The following AK9 variants were observed in gnomAD, a reference collection of about 807,000 sequenced individuals.
AK9 encodes the protein adenylate kinase 9, also known as adenylate kinase domain containing 1.
In AK9, 191 loss-of-function variants were observed where a neutral mutation model predicts 239.6. The ratio of observed to expected loss-of-function variants is 0.80; its 90% CI spans 0.71 to 0.90. The LOEUF (loss-of-function observed/expected upper bound fraction) is 0.90. Among genes scored for constraint, AK9 ranks in the 40% least tolerant of loss-of-function variants. The pLI is 0.00. For missense variants in AK9, 1,995 were observed against 2,214.7 expected (o/e 0.90, Z 1.99); for synonymous variants, 689 against 721.0 (o/e 0.96, Z 0.71).
At position 109,585,227 on chromosome 6, in the gene AK9, TA is replaced by T; in HGVS notation, c.2009del (p.Leu670TyrfsTer18). The T allele has an allele frequency of 1.1e-6, 1 of 883,308 alleles. No homozygotes were observed. The highest frequency in any genetic ancestry group is 1.5e-6 in the Non-Finnish European group (1 of 669,578). The allele number at this position is 883,308 out of a possible 1,614,324, so 54.7% of individuals were successfully genotyped here. A position where few individuals can be genotyped will look rare whatever the true frequency, so the allele number is the denominator to read the frequency against. On this transcript the variant is annotated frameshift_variant, in exon 19 of 41. Transcript: ENST00000424296. LOFTEE classifies it high-confidence loss of function. ...LSDTENNGKC[L>X]FNRIYLQKKS... ...TCTTCTGTAAATATATTCTATTAAA[TA>T]AACATTTTCCTGAAATACAGATAAG...
intron 5 of AK9, 73 bp downstream of exon 5, chr6:109,671,846 C>G (rs1770951169): frequency 1.5e-6 from 2 of 1,377,094 alleles, no homozygotes; most frequent in Non-Finnish European, 2.0e-6. Context: ...ACTCCAGAAA[C>G]TATTTTTGCC....
Position 109,509,266 on chromosome 6 carries a change from T to G in AK9, c.4394A>C (p.His1465Pro). 1 of 1,552,032 alleles carries G rather than the reference T, an allele frequency of 6.4e-7. No individual in the cohort carries two copies. Among genetic ancestry groups the G allele is most frequent in the Non-Finnish European group, 8.7e-7 (1 of 1,147,044 alleles). ...AGGTGCTGTCATTCCTTTATGAAGATGCCAATTTAACATAAGTGCCAGCTC... is the reference window on the plus strand; with the variant it reads ...AGGTGCTGTCATTCCTTTATGAAGAGGCCAATTTAACATAAGTGCCAGCTC... Reference protein sequence around the residue: ...ETELALMLNWHLHKGMTAPDE... With the variant: ...ETELALMLNWPLHKGMTAPDE... The change falls in exon 33 of 41, where the codon CAT becomes CCT. Residue 1465 changes from histidine (H) to proline (P), a missense_variant. His to Pro is a moderately conservative substitution (Grantham distance 77). This residue lies in a region of AK9 where 45 missense variants were observed against 80.5 expected (regional missense o/e 0.56). Coordinates refer to ENST00000424296, the MANE Select transcript of AK9 (RefSeq NM_001145128.3).
intron 17 of AK9, among the ~76,000 whole-genome samples, chr6:109,592,446 C>CT (rs55998817): frequency 0.22 from 27,942 of 126,270 alleles, 3,486 homozygotes; most frequent in South Asian, 0.34. Context: ...AATGGGATTT[C>CT]TTTTTTTTTT....
chr6:109,551,692 C>T (rs193070569), intron 24 of AK9, among the ~76,000 whole-genome samples: 1 of 151,490 alleles, frequency 6.6e-6, no homozygotes, highest in Non-Finnish European at 1.5e-5. Flanking sequence ...TTCCTAAGCC[C>T]ATATTTTAGT....
chr6:109,650,557 C>T lies in AK9; in HGVS notation c.760-5869G>A, dbSNP rs370083086. On this transcript the variant is annotated intron_variant, in intron 8 of 40. Coordinates refer to ENST00000424296, the MANE Select transcript of AK9 (RefSeq NM_001145128.3). ...TACCATCTCACACCAGTTAGAATGGCGATCATTAAAAAGTCAGGAAACAAC... is the reference window on the plus strand; with the variant it reads ...TACCATCTCACACCAGTTAGAATGGTGATCATTAAAAAGTCAGGAAACAAC... Among the ~76,000 whole-genome samples, 686 of 151,866 alleles carry T rather than the reference C, an allele frequency of 4.5e-3. 9 individuals are homozygous for T. The highest frequency in any genetic ancestry group is 0.016 in the African/African-American group (657 of 41,472).
intron 28 of AK9, 128 bp downstream of exon 28, chr6:109,533,123 G>T: frequency 1.4e-6 from 1 of 705,180 alleles, no homozygotes; most frequent in Non-Finnish European, 2.1e-6. Context: ...AATATTCGAT[G>T]AAAAATATTT....
chr6:109,513,878 G>A (rs1031047727), intron 32 of AK9, among the ~76,000 whole-genome samples: 3 of 152,150 alleles, frequency 2.0e-5, no homozygotes, highest in Non-Finnish European at 4.4e-5. Flanking sequence ...GAACCTAAAT[G>A]CCAGCAGAAT....
In AK9 at chr6:109,659,285, G is replaced by C; in HGVS notation, c.573C>G (p.Ala191=). 6.2e-7 allele frequency: 1 copy of C among 1,600,424 alleles called. No individual in the cohort carries two copies. Among genetic ancestry groups the C allele is most frequent in the Non-Finnish European group, 8.5e-7 (1 of 1,175,152 alleles). ...IENHRKKKKE[A]QKDGKGEEEE... ...CCTCTTCTCCTTTTCCGTCCTTTTG[G>C]GCTTCTTTCTTCTTTTTCCTATGAT... The change falls in exon 7 of 41, where the codon GCC becomes GCG. Residue 191 remains alanine, a synonymous_variant. Coordinates refer to ENST00000424296, the MANE Select transcript of AK9 (RefSeq NM_001145128.3).
At chr6:109,611,953 C>CTGTGTTTTTTAGAAACTAG in intron 16 of AK9, 57 bp downstream of exon 16, 1 of 1,164,692 alleles carries the variant, frequency 8.6e-7, no homozygotes, top group African/African-American at 1.7e-5. Context: ...GAGGGAACTA[C>CTGTGTTTTTTAGAAACTAG]TTGTGTTTTT....
intron 1 of AK9, among the ~76,000 whole-genome samples, chr6:109,688,947 C>T (rs1773906587): frequency 6.6e-6 from 1 of 152,182 alleles, no homozygotes; most frequent in African/African-American, 2.4e-5. Flanking sequence ...TCTGAGACAG[C>T]TCTTGATGCT....
intron 35 of AK9, among the ~76,000 whole-genome samples, chr6:109,504,264 T>G (rs1777885176): frequency 6.6e-6 from 1 of 152,006 alleles, no homozygotes; most frequent in African/African-American, 2.4e-5. Flanking sequence ...CTGGAGAGGC[T>G]GAGGCAGGAG....
chr6:109,582,182 G>C (rs1788940627), intron 19 of AK9, among the ~76,000 whole-genome samples: 1 of 152,206 alleles, frequency 6.6e-6, no homozygotes, highest in South Asian at 2.1e-4. Flanking sequence ...ATGTTTTCAT[G>C]CCTGCTAATG....
chr6:109,588,534 A>C (rs1387199154), intron 17 of AK9, among the ~76,000 whole-genome samples: 1 of 152,132 alleles, frequency 6.6e-6, no homozygotes, highest in African/African-American at 2.4e-5. Flanking sequence ...GTTTTCTTCC[A>C]TTACATAGAT....
chr6:109,520,935 T>C (rs181328705), intron 29 of AK9, among the ~76,000 whole-genome samples: 2 of 152,224 alleles, frequency 1.3e-5, no homozygotes, highest in Admixed American at 1.3e-4. Flanking sequence ...AGGCAACTAA[T>C]TTTGTGCATT....
chr6:109,662,840 T>C (rs1800612468), intron 5 of AK9, among the ~76,000 whole-genome samples, 177 bp from the exon 6 acceptor site: 1 of 151,912 alleles, frequency 6.6e-6, no homozygotes, highest in African/African-American at 2.4e-5. Context: ...AGTGTAACTA[T>C]GAATAATGTT....
rs549169134 is a variant in AK9 at position 109,555,769 on chromosome 6, C to T, written c.2752-5467G>A. 6.6e-5 allele frequency among the ~76,000 whole-genome samples: 10 copies of T among 152,328 alleles called. No individual in the cohort carries two copies. In the East Asian group the frequency reaches 1.5e-3, roughly 23 times the overall value. ...CCCTTTACCATTATATAGTCCCCTTCTTTGTCTTTTTTGATCTTTAATGGT... is the reference window on the plus strand; with the variant it reads ...CCCTTTACCATTATATAGTCCCCTTTTTTGTCTTTTTTGATCTTTAATGGT... On this transcript the variant is annotated intron_variant, in intron 24 of 40. Coordinates refer to ENST00000424296, the MANE Select transcript of AK9 (RefSeq NM_001145128.3).
rs536810103 is a variant in AK9, at chr6:109,628,050, G to A, written c.1254+4873C>T. Among the ~76,000 whole-genome samples, 299 of 152,286 alleles carry A rather than the reference G, an allele frequency of 2.0e-3. 2 individuals are homozygous for A. The highest frequency in any genetic ancestry group is 3.5e-3 in the Admixed American group (54 of 15,304). ...AATTCATTCCCCCAGATTTTATTGA[G>A]GAGTGGTTGTAGGCTTGGTAAGGGA... On this transcript the variant is annotated intron_variant, in intron 12 of 40. Coordinates refer to ENST00000424296, the MANE Select transcript of AK9 (RefSeq NM_001145128.3).
chr6:109,557,166 T>C (rs189932609), intron 24 of AK9, among the ~76,000 whole-genome samples: 27 of 152,202 alleles, frequency 1.8e-4, no homozygotes, highest in South Asian at 6.2e-4. Flanking sequence ...GATGGGGTTT[T>C]TGTGGGGGCC....
intron 7 of AK9, among the ~76,000 whole-genome samples, chr6:109,657,899 T>C (rs2128313424): frequency 6.6e-6 from 1 of 152,298 alleles, no homozygotes; most frequent in Admixed American, 6.5e-5. Context: ...CCATATCATA[T>C]TTATGATGCT....
Sources: gnomAD v4.1 joint callset for allele counts (sites outside exome capture counted in the v4.1 genomes callset) on GRCh38, gnomAD v4.1.1 for gene constraint, gnomAD v4.1.1 regional missense constraint, MANE v1.5 for transcripts, NCBI Gene and HGNC (gene_info 2026-07-23, HGNC 2026-07-21) for gene names.